Variants in HUWE1 observed in about 807,000 individuals in gnomAD.
The protein encoded by HUWE1 is HECT, UBA and WWE domain containing E3 ubiquitin protein ligase 1, also known as E3 ubiquitin-protein ligase HUWE1.
In HUWE1, 18 loss-of-function variants were observed where a neutral mutation model predicts 299.4. That is an observed-to-expected ratio of 0.06 (90% CI 0.04 to 0.09). The LOEUF is 0.09. Ranked by LOEUF, HUWE1 falls within the 10% of genes least tolerant of loss-of-function variation. The pLI, the probability that HUWE1 is intolerant of heterozygous loss-of-function variation, is 1.00. For missense variants in HUWE1, 1,832 were observed against 3,462.3 expected (o/e 0.53, Z 11.82); for synonymous variants, 1,317 against 1,286.1 (o/e 1.02, Z -0.51).
intron 23 of HUWE1, among the ~76,000 whole-genome samples, chrX:53,612,733 A>G (rs1045300079): frequency 8.9e-6 from 1 of 112,226 alleles, no homozygotes; most frequent in Admixed American, 9.4e-5. Flanking sequence ...TCCTTCAAGA[A>G]TAAGACATTT....
At chrX:53,574,963 C>T (rs1364879798) in intron 46 of HUWE1, among the ~76,000 whole-genome samples, 192 bp downstream of exon 46, 1 of 112,585 alleles carries the variant, frequency 8.9e-6, no homozygotes, top group Non-Finnish European at 1.9e-5. Flanking sequence ...GGTTAACTTA[C>T]AGTTCCATTA....
At position 53,632,558 on chromosome X, in the gene HUWE1, G is replaced by C; in HGVS notation, c.574C>G (p.Pro192Ala). Residue 192 changes from proline (P) to alanine (A), a missense_variant, in exon 9 of 84, where the codon CCA becomes GCA. Pro to Ala is a conservative substitution (Grantham distance 27). Around this residue, in one of 15 missense-constraint regions of HUWE1, gnomAD observed 658 missense variants for 1,282.6 expected, o/e 0.51. Transcript: ENST00000262854. ...AAGTGTAGTGTAGTTGCACTGGGTG[G>C]ATATTTCTGTGTATAAAGCACATCA... ...CCRDLHMMKY[P>A]PSATTLHFEF... 8.4e-7 allele frequency: 1 copy of C among 1,188,200 alleles called. No homozygotes were observed. The highest frequency in any genetic ancestry group is 1.1e-6 in the Non-Finnish European group (1 of 874,187).
intron 57 of HUWE1, 109 bp downstream of exon 57, chrX:53,559,245 T>G: frequency 1.1e-6 from 1 of 914,112 alleles, no homozygotes; most frequent in Non-Finnish European, 1.6e-6. Context: ...TGGTTCTGGC[T>G]CCTATAAAAT....
chrX:53,579,944 TAAAA>T (rs1248389067), intron 43 of HUWE1: 2 of 68,999 alleles, frequency 2.9e-5, no homozygotes, highest in Non-Finnish European at 5.4e-5. Flanking sequence ...GAATGATCAA[TAAAA>T]AAAAAAAATT....
At chrX:53,594,019 C>T (rs781828110) in intron 31 of HUWE1, among the ~76,000 whole-genome samples, 1 of 110,919 alleles carries the variant, frequency 9.0e-6, no homozygotes, top group East Asian at 2.8e-4. Context: ...ATGGCATGAA[C>T]CCGGGAGGCG....
At chrX:53,550,789 A>T in intron 65 of HUWE1, 21 bp from the exon 66 acceptor site, 6 of 1,204,434 alleles carry the variant, frequency 5.0e-6, no homozygotes, top group Non-Finnish European at 6.8e-6. Flanking sequence ...AGAAAAAGAA[A>T]ACTGAGATTG....
In HUWE1 at chrX:53,557,010, C is replaced by T. The variant is rs376044028; in HGVS notation, c.8206+372G>A. On this transcript the variant is annotated intron_variant, in intron 60 of 83. Coordinates refer to ENST00000262854, the MANE Select transcript of HUWE1 (RefSeq NM_031407.7). ...CATCAGTTATTCTCATGAAGTGCCA[C>T]ACCATGGTGGTCATCAAAGGACCAG... Among the ~76,000 whole-genome samples the T allele has an allele frequency of 1.4e-4, 16 of 112,419 alleles. No individual in the cohort carries two copies. In the South Asian group the frequency reaches 5.6e-3, roughly 39 times the overall value.
At chrX:53,627,129 A>G (rs782590385) in intron 17 of HUWE1, among the ~76,000 whole-genome samples, 9 of 111,787 alleles carry the variant, frequency 8.1e-5, no homozygotes, top group Admixed American at 2.8e-4. Context: ...AATAAGAAAT[A>G]CATAAGAAAA....
intron 6 of HUWE1, among the ~76,000 whole-genome samples, chrX:53,645,756 T>C (rs1409568756): frequency 3.1e-4 from 27 of 86,766 alleles, no homozygotes; most frequent in Admixed American, 2.2e-3. Flanking sequence ...TATATATATA[T>C]ATATATATAT....
chrX:53,546,846 C>T, intron 68 of HUWE1, 21 bp from the exon 69 acceptor site: 2 of 1,196,763 alleles, frequency 1.7e-6, no homozygotes, highest in Non-Finnish European at 2.3e-6. Context: ...ACAGACAGAA[C>T]ACTGTAAGCC....
chrX:53,585,252 TTCA>T, intron 39 of HUWE1, 64 bp from the exon 40 acceptor site: 10 of 1,073,794 alleles, frequency 9.3e-6, no homozygotes, highest in Non-Finnish European at 1.3e-5. Flanking sequence ...AAATAGTAAC[TTCA>T]TCAGTGTTCA....
chrX:53,626,774 C>T (rs782756528), intron 17 of HUWE1, among the ~76,000 whole-genome samples: 75 of 111,446 alleles, frequency 6.7e-4, no homozygotes, highest in Non-Finnish European at 1.1e-3. Context: ...TCAGATGATC[C>T]TCTCAACTCA....
intron 2 of HUWE1, chrX:53,683,976 G>A (rs925475065): frequency 3.1e-5 from 9 of 293,220 alleles, no homozygotes; most frequent in Admixed American, 1.9e-4. Flanking sequence ...CGCCTCCGCG[G>A]CTACTGCAGT....
At chrX:53,585,690 A>T (rs1556972663) in intron 39 of HUWE1, among the ~76,000 whole-genome samples, 2 of 111,240 alleles carry the variant, frequency 1.8e-5, no homozygotes, top group Admixed American at 9.5e-5. Context: ...TATATTAAAT[A>T]TTTTTTTTGG....
rs140419752 is a variant in HUWE1, at chrX:53,667,493, A to G, written c.-25+12556T>C. Among the ~76,000 whole-genome samples the G allele has an allele frequency of 6.5e-3, 727 of 111,379 alleles. 6 individuals carry two copies. The highest frequency in any genetic ancestry group is 0.023 in the African/African-American group (704 of 30,250). ...AGTTGGGCAAAATCATCTAACACAA[A>G]GCCCGTTTTATAATAAATGTTCAAT... On this transcript the variant is annotated intron_variant, in intron 3 of 83. Coordinates refer to ENST00000262854, the MANE Select transcript of HUWE1 (RefSeq NM_031407.7).
At chrX:53,566,516 T>A (rs2062583076) in intron 49 of HUWE1, among the ~76,000 whole-genome samples, 1 of 110,366 alleles carries the variant, frequency 9.1e-6, no homozygotes, top group South Asian at 3.9e-4. Flanking sequence ...AGAATAATGA[T>A]AGTAATGGAA....
At chrX:53,645,570 C>T (rs1408982369) in intron 6 of HUWE1, 107 bp from the exon 7 acceptor site, 5 of 768,550 alleles carry the variant, frequency 6.5e-6, no homozygotes, top group Middle Eastern at 2.9e-4. Flanking sequence ...GAAGTTTAGT[C>T]ACAACAATAC....
chrX:53,667,309 T>C (rs1161618139), intron 3 of HUWE1, among the ~76,000 whole-genome samples: 2 of 112,218 alleles, frequency 1.8e-5, no homozygotes, highest in African/African-American at 3.2e-5. Context: ...TAGAAAAATA[T>C]ATACAGTTGC....
In HUWE1 at chrX:53,565,118, G is replaced by C; in HGVS notation, c.6829C>G (p.Gln2277Glu). 1 of 1,211,600 alleles carries C rather than the reference G, an allele frequency of 8.3e-7. No homozygotes were observed. The highest frequency in any genetic ancestry group is 1.1e-6 in the Non-Finnish European group (1 of 895,250). Residue 2277 changes from glutamine to glutamate, a missense_variant, in exon 50 of 84, where the codon CAG (glutamine) becomes GAG (glutamate). Gln to Glu is a conservative substitution (Grantham distance 29, BLOSUM62 2). Transcript: ENST00000262854. ...KSASSKNKSEQDAQGASQDSS... is the reference protein window; with the variant it reads ...KSASSKNKSEEDAQGASQDSS... ...TCTTGAGAGGCTCCTTGGGCATCCT[G>C]CTCAGACTTGTTCTTGCTAGAAGCA...
Sources: allele counts gnomAD v4.1 joint callset (sites outside exome capture counted in the v4.1 genomes callset), GRCh38; gene constraint gnomAD v4.1.1; regional missense constraint gnomAD v4.1.1; transcripts MANE v1.5; gene names NCBI Gene and HGNC (gene_info 2026-07-23, HGNC 2026-07-21).